CPSF7: variants seen among roughly 807,000 people sequenced by gnomAD.
CPSF7 encodes cleavage and polyadenylation specific factor 7.
Under a neutral mutation model 44.3 loss-of-function variants are expected in CPSF7, and 1 was observed. The ratio of observed to expected loss-of-function variants is 0.02; its 90% CI spans 0.01 to 0.11. The LOEUF is 0.11. Ranked by LOEUF, CPSF7 falls within the 10% of genes least tolerant of loss-of-function variation. The pLI is 1.00. For missense variants in CPSF7, 443 were observed against 607.2 expected (o/e 0.73, Z 2.84); for synonymous variants, 202 against 222.0 (o/e 0.91, Z 0.80).
chr11:61,429,008 T>A (rs1260902125), intron 2 of CPSF7, 174 bp downstream of exon 2: 1 of 465,984 alleles, frequency 2.1e-6, no homozygotes, highest in East Asian at 3.2e-5. Flanking sequence ...AGCTTCAAAT[T>A]AACATAAAGA....
At chr11:61,426,412 G>T (rs559054222) in intron 2 of CPSF7, 28 of 150,334 alleles carry the variant, frequency 1.9e-4, no homozygotes, top group African/African-American at 5.5e-4. Flanking sequence ...TATGTGTGTG[G>T]GGGGGAAGCA....
At chr11:61,429,311 C>G in intron 1 of CPSF7, 21 bp from the exon 2 acceptor site, 2 of 1,474,636 alleles carry the variant, frequency 1.4e-6, no homozygotes, top group Non-Finnish European at 1.9e-6. Flanking sequence ...CGGAAAAATG[C>G]AAGAATTAGA....
rs1006139160 is a variant in CPSF7, at chr11:61,404,422, C to T, written c.*288G>A. ...ACGTTTTCTTGGACAAAGCACCATT[C>T]TCTATGGAGACCAGGGGCCTGGACA... is the stretch of plus-strand genomic sequence containing the variant. On this transcript the variant is annotated 3_prime_UTR_variant, in exon 10 of 10. Transcript: ENST00000439958. 5.9e-5 allele frequency: 9 copies of T among 152,660 alleles called. No homozygotes were observed. Among genetic ancestry groups the T allele is most frequent in the Admixed American group, 5.2e-4 (8 of 15,286 alleles). 9.5% of individuals were successfully genotyped at this position (152,660 alleles called of 1,614,324 possible).
At chr11:61,407,788 G>C (rs572956599) in intron 9 of CPSF7, among the ~76,000 whole-genome samples, 2 of 152,298 alleles carry the variant, frequency 1.3e-5, no homozygotes, top group African/African-American at 4.8e-5. Flanking sequence ...AATGGCCAAA[G>C]AACAAGACAG....
chr11:61,409,194 C>A (rs537638878), intron 9 of CPSF7, among the ~76,000 whole-genome samples: 6 of 151,676 alleles, frequency 4.0e-5, no homozygotes, highest in Admixed American at 1.3e-4. Flanking sequence ...AAAAAAACAG[C>A]CGGGTGCGGT....
intron 7 of CPSF7, 63 bp from the exon 8 acceptor site, chr11:61,412,000 A>G (rs1286448655): frequency 2.1e-6 from 3 of 1,441,950 alleles, no homozygotes; most frequent in African/African-American, 1.4e-5. Context: ...CTGGACCAAA[A>G]GGAGAACTCA....
rs116497732 is a variant in CPSF7 at position 61,424,320 on chromosome 11, T to C, written c.55-2712A>G. 7.6e-3 allele frequency among the ~76,000 whole-genome samples: 1,156 copies of C among 152,328 alleles called. 14 individuals carry two copies. The highest frequency in any genetic ancestry group is 0.027 in the South Asian group (131 of 4,826). On this transcript the variant is annotated intron_variant, in intron 2 of 9. Transcript: ENST00000439958. Reference sequence around the variant, plus strand: ...TACGTCTCAAACTATCCCAACTCTATAGACAAATCACTCTTCTATTCATGT... The same window carrying C: ...TACGTCTCAAACTATCCCAACTCTACAGACAAATCACTCTTCTATTCATGT...
chr11:61,410,977 CTCTCAT>C lies in CPSF7; in HGVS notation c.1349_1354del (p.His450_Glu451del). 6.2e-7 allele frequency: 1 copy of C among 1,613,650 alleles called. No individual in the cohort carries two copies. Among genetic ancestry groups the C allele is most frequent in the Non-Finnish European group, 8.5e-7 (1 of 1,179,918 alleles). ...CCGGTCCCGTTCTCTATCCCGGTGT[CTCTCAT>C]GCTCCCGGTTCCTTTCTTGGAAATA... On this transcript the variant is annotated inframe_deletion, in exon 9 of 10. Transcript: ENST00000439958.
At chr11:61,412,256 G>A (rs2860519) in intron 7 of CPSF7, among the ~76,000 whole-genome samples, 109,700 of 151,960 alleles carry the variant, frequency 0.72, 43,325 homozygotes, top group East Asian at 0.97. Context: ...GTTCACAAGT[G>A]TGTATGTTTA....
At chr11:61,420,830 GGTC>G (rs1860795829) in intron 3 of CPSF7, 1 of 540,158 alleles carries the variant, frequency 1.9e-6, no homozygotes, top group Admixed American at 3.1e-5. Flanking sequence ...TGGGCTGGCT[GGTC>G]ATCAGTTCAA....
intron 5 of CPSF7, among the ~76,000 whole-genome samples, chr11:61,417,478 A>G (rs1319406569): frequency 6.6e-6 from 1 of 152,216 alleles, no homozygotes; most frequent in Non-Finnish European, 1.5e-5. Context: ...ACAAGATCAC[A>G]TGGCTTTGGG....
At chr11:61,427,901 A>G in intron 2 of CPSF7, among the ~76,000 whole-genome samples, 1 of 152,208 alleles carries the variant, frequency 6.6e-6, no homozygotes, top group Non-Finnish European at 1.5e-5. Context: ...AGTGAAAAAT[A>G]AATGGCATGT....
Position 61,428,962 on chromosome 11 carries a change from T to C in CPSF7, c.54+220A>G, listed in dbSNP as rs1861658610. On this transcript the variant is annotated intron_variant, in intron 2 of 9. Transcript: ENST00000439958. ...CCATTCTATTACACCTGCTTTTTAT[T>C]TGCTCTTAAATCAAAGCCTTTAAAA... is the stretch of plus-strand genomic sequence containing the variant. 4 of 379,542 alleles carry C rather than the reference T, an allele frequency of 1.1e-5. No homozygotes were observed. The South Asian group carries it at 2.1e-4, about 20-fold the overall frequency. The allele number at this position is 379,542 out of a possible 1,614,324, so 23.5% of individuals were successfully genotyped here.
intron 2 of CPSF7, among the ~76,000 whole-genome samples, chr11:61,423,781 AGAC>A (rs1861113049): frequency 6.6e-6 from 1 of 152,194 alleles, no homozygotes; most frequent in South Asian, 2.1e-4. Context: ...AGTGATCTGA[AGAC>A]GACTCACTAA....
Position 61,416,314 on chromosome 11 carries a change from A to T in CPSF7, c.729T>A (p.Phe243Leu). The change falls in exon 6 of 10, where the codon TTT becomes TTA. Residue 243 changes from phenylalanine (F) to leucine (L), a missense_variant. By Grantham distance (22) the Phe-to-Leu change is conservative. Coordinates refer to ENST00000439958, the MANE Select transcript of CPSF7 (RefSeq NM_001142565.3). ...TACCAGGAGGAGGAGGAGGGACCCC[A>T]AAGCTTGAGGAGAGAGGTGGTGGGG... ...IPPPPPLSSS[F>L]GVPPPPPGIH... is the part of the protein sequence containing the mutation. The T allele has an allele frequency of 6.4e-7, 1 of 1,559,190 alleles. No individual in the cohort carries two copies. Among genetic ancestry groups the T allele is most frequent in the Non-Finnish European group, 8.7e-7 (1 of 1,151,700 alleles).
intron 2 of CPSF7, among the ~76,000 whole-genome samples, chr11:61,424,614 A>T (rs764345342): frequency 6.6e-6 from 1 of 152,152 alleles, no homozygotes; most frequent in Non-Finnish European, 1.5e-5. Flanking sequence ...CACCACACCC[A>T]GCTAATTTTT....
At position 61,425,994 on chromosome 11, in the gene CPSF7, G is replaced by A. The variant is rs539931399; in HGVS notation, c.54+3188C>T. ...ATGAAAAGCCAAAACTCCCAGCAGA[G>A]CAACTGATCTCAGTCACCTTTCCAG... On this transcript the variant is annotated intron_variant, in intron 2 of 9. Coordinates refer to ENST00000439958, the MANE Select transcript of CPSF7 (RefSeq NM_001142565.3). 1.1e-4 allele frequency among the ~76,000 whole-genome samples: 17 copies of A among 152,328 alleles called. No homozygotes were observed. The East Asian group carries it at 2.7e-3, about 24-fold the overall frequency.
At chr11:61,429,146 T>C (rs759025416) in intron 2 of CPSF7, 36 bp downstream of exon 2, 1 of 1,243,754 alleles carries the variant, frequency 8.0e-7, no homozygotes, top group Non-Finnish European at 1.2e-6. Context: ...CCTCAGATGA[T>C]CAAGGAAAAT....
At chr11:61,429,687 C>T (rs1861767729) in intron 1 of CPSF7, 5 of 1,496,840 alleles carry the variant, frequency 3.3e-6, no homozygotes, top group Non-Finnish European at 4.5e-6. Context: ...GCAGCTCCAG[C>T]CGCCTCTGCC....
Sources: allele counts gnomAD v4.1 joint callset (sites outside exome capture counted in the v4.1 genomes callset), GRCh38; gene constraint gnomAD v4.1.1; transcripts MANE v1.5; gene names NCBI Gene and HGNC (gene_info 2026-07-23, HGNC 2026-07-21).